STAG1: variants seen among roughly 807,000 people sequenced by gnomAD.
STAG1 encodes STAG1 cohesin complex component.
A neutral mutation model predicts 170.9 loss-of-function variants in STAG1; 26 were observed. That is an observed-to-expected ratio of 0.15 (90% CI 0.11 to 0.21). STAG1 has a LOEUF of 0.21. Among genes scored for constraint, STAG1 ranks in the 10% least tolerant of loss-of-function variants. The pLI, the probability that STAG1 is intolerant of heterozygous loss-of-function variation, is 1.00. For missense variants in STAG1, 964 were observed against 1,509.5 expected, an observed-to-expected ratio of 0.64 and a Z score of 5.99; for synonymous variants, 514 against 497.7, an observed-to-expected ratio of 1.03 and a Z score of -0.44.
intron 5 of STAG1, among the ~76,000 whole-genome samples, chr3:136,545,298 G>A (rs1936106997): frequency 6.6e-6 from 1 of 152,134 alleles, no homozygotes; most frequent in Non-Finnish European, 1.5e-5. Context: ...TCGAACTCCT[G>A]ACCTCATGAT....
chr3:136,561,672 A>G lies in STAG1; in HGVS notation c.394+7093T>C, dbSNP rs1576608849. ...TAACATCATTTTAAAAACAGTGATC[A>G]TAATTACTTTTTATTGTCCAAATGT... On this transcript the variant is annotated intron_variant, in intron 5 of 33. Transcript: ENST00000383202. 2.0e-5 allele frequency among the ~76,000 whole-genome samples: 3 copies of G among 152,364 alleles called. No homozygotes were observed. The East Asian group carries it at 5.8e-4, about 29-fold the overall frequency.
intron 13 of STAG1, among the ~76,000 whole-genome samples, chr3:136,458,670 C>T (rs1000303522): frequency 6.6e-6 from 1 of 151,564 alleles, no homozygotes; most frequent in African/African-American, 2.4e-5. Flanking sequence ...AAACACATGC[C>T]CATCAACAAT....
intron 9 of STAG1, among the ~76,000 whole-genome samples, chr3:136,485,101 C>G (rs1363381270): frequency 6.6e-6 from 1 of 152,148 alleles, no homozygotes; most frequent in East Asian, 1.9e-4. Context: ...TGGCTCCTCC[C>G]TCCTATTATA....
In STAG1 at chr3:136,565,011, A is replaced by AAGGAAGGCAGGCAGGCAGGC. The variant is rs1207671431; in HGVS notation, c.394+3753_394+3754insGCCTGCCTGCCTGCCTTCCT. 7.3e-4 allele frequency among the ~76,000 whole-genome samples: 33 copies of AAGGAAGGCAGGCAGGCAGGC among 45,440 alleles called. 1 individual carries two copies. The highest frequency in any genetic ancestry group is 2.5e-3 in the African/African-American group (20 of 7,960). The allele number at this position is 45,440 out of a possible 152,430, so 29.8% of individuals were successfully genotyped here. On this transcript the variant is annotated intron_variant, in intron 5 of 33. Transcript: ENST00000383202. Reference sequence around the variant, plus strand: ...GAAGGAAGGAAGGAAGGAAGGAAGGAAGGCAGGCAGGCAGGCAGGCAGGCA... The same window carrying AAGGAAGGCAGGCAGGCAGGC: ...GAAGGAAGGAAGGAAGGAAGGAAGGAAGGAAGGCAGGCAGGCAGGCAGGCAGGCAGGCAGGCAGGCAGGCA...
At chr3:136,526,824 A>C (rs1935055909) in intron 6 of STAG1, among the ~76,000 whole-genome samples, 2 of 152,134 alleles carry the variant, frequency 1.3e-5, no homozygotes, top group South Asian at 4.1e-4. Context: ...TTTGTCTCTA[A>C]AGGATTTTAT....
chr3:136,437,867 C>G (rs372557482), intron 15 of STAG1, among the ~76,000 whole-genome samples: 13 of 152,294 alleles, frequency 8.5e-5, no homozygotes, highest in African/African-American at 1.7e-4. Flanking sequence ...AAGCCATCTC[C>G]CTCTTTTATA....
chr3:136,360,874 T>G (rs1423976183), intron 26 of STAG1, among the ~76,000 whole-genome samples: 4 of 152,140 alleles, frequency 2.6e-5, no homozygotes, highest in Non-Finnish European at 5.9e-5. Flanking sequence ...TTCACCATGT[T>G]AGCCAGGATG....
intron 5 of STAG1, among the ~76,000 whole-genome samples, chr3:136,544,641 T>A (rs979826210): frequency 2.6e-5 from 4 of 151,882 alleles, no homozygotes; most frequent in African/African-American, 9.7e-5. Flanking sequence ...GGCACATGCC[T>A]GTAATCTCAG....
rs150141578 is a variant in STAG1, at chr3:136,586,101, A to G, written c.298-17240T>C. ...AGTAAGTTAGGTTCCCTCTTTGAAA[A>G]TTAAACTAATAGAAAGTCCACCATA... On this transcript the variant is annotated intron_variant, in intron 4 of 33. Transcript: ENST00000383202. Among the ~76,000 whole-genome samples, 198 of 152,328 alleles carry G rather than the reference A, an allele frequency of 1.3e-3. 1 individual carries two copies. The highest frequency in any genetic ancestry group is 4.4e-3 in the African/African-American group (183 of 41,562).
chr3:136,345,502 C>T (rs1201843033), intron 29 of STAG1, among the ~76,000 whole-genome samples: 1 of 130,446 alleles, frequency 7.7e-6, no homozygotes, highest in Admixed American at 8.2e-5. Context: ...GCTATGTTGC[C>T]TAGGCTGATC....
At chr3:136,348,617 T>C (rs1936323466) in intron 29 of STAG1, among the ~76,000 whole-genome samples, 1 of 152,128 alleles carries the variant, frequency 6.6e-6, no homozygotes, top group African/African-American at 2.4e-5. Flanking sequence ...TTTCCCAGGC[T>C]GGTCTCAAAT....
intron 12 of STAG1, among the ~76,000 whole-genome samples, chr3:136,468,804 C>T (rs1361450823): frequency 2.0e-5 from 3 of 152,174 alleles, no homozygotes; most frequent in Non-Finnish European, 4.4e-5. Flanking sequence ...AAGTTGGCTT[C>T]ATCCCTGGGA....
chr3:136,493,977 A>C (rs1270705861), intron 9 of STAG1, among the ~76,000 whole-genome samples: 2 of 152,140 alleles, frequency 1.3e-5, no homozygotes, highest in African/African-American at 4.8e-5. Flanking sequence ...AACAACAAAA[A>C]ATCTGGCGGT....
At chr3:136,436,242 CA>C (rs1219358637) in intron 15 of STAG1, among the ~76,000 whole-genome samples, 1 of 152,030 alleles carries the variant, frequency 6.6e-6, no homozygotes, top group Non-Finnish European at 1.5e-5. Context: ...AAGCATGAGC[CA>C]CCACGCCTGG....
intron 4 of STAG1, among the ~76,000 whole-genome samples, chr3:136,576,584 TA>T (rs1202735108): frequency 6.6e-6 from 1 of 152,186 alleles, no homozygotes; most frequent in African/African-American, 2.4e-5. Flanking sequence ...ATGAGGTAGT[TA>T]AAAAATAACA....
intron 1 of STAG1, among the ~76,000 whole-genome samples, chr3:136,705,010 C>T (rs1420054405): frequency 6.6e-6 from 1 of 151,816 alleles, no homozygotes; most frequent in Non-Finnish European, 1.5e-5. Context: ...ATATAATAAA[C>T]TTCAATATAA....
At chr3:136,658,009 C>T (rs1016809638) in intron 1 of STAG1, among the ~76,000 whole-genome samples, 1 of 152,086 alleles carries the variant, frequency 6.6e-6, no homozygotes, top group African/African-American at 2.4e-5. Context: ...GACTTATGGT[C>T]ACCTGCACAC....
chr3:136,478,919 C>T (rs1462221211), intron 9 of STAG1, among the ~76,000 whole-genome samples: 4 of 151,894 alleles, frequency 2.6e-5, no homozygotes, highest in African/African-American at 7.3e-5. Context: ...TCTTAGGTTT[C>T]CTCATCTCTA....
intron 13 of STAG1, among the ~76,000 whole-genome samples, chr3:136,453,447 C>T (rs1029503382): frequency 1.1e-4 from 17 of 151,934 alleles, no homozygotes; most frequent in South Asian, 6.3e-4. Flanking sequence ...AAAAATTAGC[C>T]GGGCGTGGTG....
Sources: allele counts gnomAD v4.1 joint callset (sites outside exome capture counted in the v4.1 genomes callset), GRCh38; gene constraint gnomAD v4.1.1; transcripts MANE v1.5; gene names NCBI Gene and HGNC (gene_info 2026-07-23, HGNC 2026-07-21).